MAD1L1: variants seen among roughly 807,000 people sequenced by gnomAD.
MAD1L1 encodes the protein mitotic spindle assembly checkpoint protein MAD1.
MAD1L1 carries 95 observed loss-of-function variants against 96.9 expected under a neutral mutation model. The ratio of observed to expected loss-of-function variants is 0.98; its 90% CI spans 0.83 to 1.16. The LOEUF is 1.16. MAD1L1 is among the 50% of genes most tolerant of loss of function. The pLI is 0.00. For missense variants in MAD1L1, 1,007 were observed against 954.4 expected (o/e 1.06, Z -0.73); for synonymous variants, 473 against 396.6 (o/e 1.19, Z -2.29).
intron 10 of MAD1L1, among the ~76,000 whole-genome samples, chr7:2,195,198 A>G (rs1238306438): frequency 1.3e-5 from 2 of 152,250 alleles, no homozygotes; most frequent in Non-Finnish European, 2.9e-5. Flanking sequence ...AGCTCTCGTA[A>G]ACAATAAAAA....
chr7:1,879,521 A>G (rs1785565112), intron 18 of MAD1L1, among the ~76,000 whole-genome samples: 1 of 152,214 alleles, frequency 6.6e-6, no homozygotes, highest in Admixed American at 6.5e-5. Flanking sequence ...TGTAATCCAA[A>G]TCAAAGTCCC....
At chr7:1,995,509 G>C (rs1159198653) in intron 14 of MAD1L1, among the ~76,000 whole-genome samples, 1 of 152,190 alleles carries the variant, frequency 6.6e-6, no homozygotes, top group Non-Finnish European at 1.5e-5. Context: ...CTGAGGGAAG[G>C]GACCAGTTGT....
chr7:1,887,202 G>T (rs984600913), intron 18 of MAD1L1, among the ~76,000 whole-genome samples: 3 of 152,248 alleles, frequency 2.0e-5, no homozygotes, highest in African/African-American at 7.2e-5. Context: ...AGAGACAGAG[G>T]CCAACTGTGA....
rs1034603387 is a variant in MAD1L1 at position 1,856,021 on chromosome 7, G to C, written c.1999-39793C>G. ...GCACTTCCTCGCGGTGCGCTCACGT[G>C]GGGTGCGGTGAGGGAGCTCTCGGCT... On this transcript the variant is annotated intron_variant, in intron 18 of 18. Transcript: ENST00000265854. 4.6e-5 allele frequency among the ~76,000 whole-genome samples: 7 copies of C among 152,280 alleles called. No individual in the cohort carries two copies. In the South Asian group the frequency reaches 6.2e-4, roughly 14 times the overall value.
intron 14 of MAD1L1, among the ~76,000 whole-genome samples, chr7:1,984,927 C>A (rs981046000): frequency 6.6e-6 from 1 of 152,160 alleles, no homozygotes; most frequent in Non-Finnish European, 1.5e-5. Flanking sequence ...GAAAAGTGTG[C>A]ATGTTTTACC....
intron 10 of MAD1L1, among the ~76,000 whole-genome samples, chr7:2,166,966 G>A (rs912454668): frequency 2.0e-5 from 3 of 152,228 alleles, no homozygotes; most frequent in African/African-American, 7.2e-5. Context: ...AGACTGAACC[G>A]GAATCTGCCT....
intron 11 of MAD1L1, among the ~76,000 whole-genome samples, chr7:2,085,143 A>G (rs1285905231): frequency 1.3e-5 from 2 of 152,194 alleles, no homozygotes; most frequent in Admixed American, 6.5e-5. Flanking sequence ...TGCAGCTCAC[A>G]TGCTAGCCAC....
At chr7:1,920,927 A>ATTT (rs1316476168) in intron 17 of MAD1L1, among the ~76,000 whole-genome samples, 1 of 152,254 alleles carries the variant, frequency 6.6e-6, no homozygotes, top group African/African-American at 2.4e-5. Flanking sequence ...CAGACAGAAA[A>ATTT]GGGTGCAGAT....
chr7:2,070,035 G>A (rs1785051950), intron 11 of MAD1L1, among the ~76,000 whole-genome samples: 2 of 152,226 alleles, frequency 1.3e-5, no homozygotes, highest in East Asian at 1.9e-4. Flanking sequence ...TGGGCACCAA[G>A]CTGTCTCCTC....
Position 2,014,571 on chromosome 7 carries a change from C to G in MAD1L1, c.1290G>C (p.Gln430His). ...SELTPAEYSP[Q>H]LTRRMREAED... The stretch of plus-strand genomic sequence containing the variant: ...CAGCCTCCCGCATGCGCCGCGTCAG[C>G]TGGGGTGAGTACTCGGCCGGGGTCA... The change falls in exon 13 of 19, where the codon CAG (glutamine) becomes CAC (histidine). Residue 430 changes from glutamine (Q) to histidine (H), a missense_variant. Transcript: ENST00000265854. 1 of 1,612,238 alleles carries G rather than the reference C, an allele frequency of 6.2e-7. No individual in the cohort carries two copies. Among genetic ancestry groups the G allele is most frequent in the Non-Finnish European group, 8.5e-7 (1 of 1,179,824 alleles).
rs548855998 is a variant in MAD1L1 at position 1,854,406 on chromosome 7, G to A, written c.1999-38178C>T. The A allele has an allele frequency of 6.8e-4, 315 of 461,302 alleles. 1 individual carries two copies. Among genetic ancestry groups the A allele is most frequent in the Non-Finnish European group, 1.1e-3 (260 of 229,638 alleles). 28.6% of individuals were successfully genotyped at this position (461,302 alleles called of 1,614,324 possible). A position where few individuals can be genotyped will look rare whatever the true frequency, so the allele number is the denominator to read the frequency against. ...GGTCCACTCGGCCGCTGCAGACTAG[G>A]TGGCTCGTAAACAGAGTTCACTTCT... is the stretch of plus-strand genomic sequence containing the variant. On this transcript the variant is annotated intron_variant, in intron 18 of 18. Coordinates refer to ENST00000265854, the MANE Select transcript of MAD1L1 (RefSeq NM_001013836.2).
chr7:1,942,273 C>G (rs1194241111), intron 16 of MAD1L1, among the ~76,000 whole-genome samples: 3 of 152,178 alleles, frequency 2.0e-5, no homozygotes, highest in African/African-American at 7.2e-5. Context: ...CCCGGCCCCT[C>G]CAGAAGGAGG....
chr7:1,829,728 A>AC (rs1337587023), intron 18 of MAD1L1: 1 of 151,910 alleles, frequency 6.6e-6, no homozygotes, highest in African/African-American at 2.4e-5. Context: ...CAAAAAAAAA[A>AC]AAAAAGGCAG....
rs187563092 is a variant in MAD1L1 at position 1,848,139 on chromosome 7, C to G, written c.1999-31911G>C. 31 of 228,820 alleles carry G rather than the reference C, an allele frequency of 1.4e-4. No homozygotes were observed. The East Asian group carries it at 3.0e-3, about 22-fold the overall frequency. The allele number at this position is 228,820 out of a possible 1,614,324, so 14.2% of individuals were successfully genotyped here. On this transcript the variant is annotated intron_variant, in intron 18 of 18. Transcript: ENST00000265854. Reference sequence around the variant, plus strand: ...CCTAGTGTCGCTCTCAGGGCTGGGTCCGCAGGCCACTCTCCCTCCCTCAAC... The same window carrying G: ...CCTAGTGTCGCTCTCAGGGCTGGGTGCGCAGGCCACTCTCCCTCCCTCAAC...
chr7:2,068,541 G>C (rs563926850), intron 12 of MAD1L1, among the ~76,000 whole-genome samples: 1 of 152,336 alleles, frequency 6.6e-6, no homozygotes, highest in East Asian at 1.9e-4. Flanking sequence ...GGCAGGCAGG[G>C]GGAGTCTCCG....
intron 10 of MAD1L1, 135 bp from the exon 11 acceptor site, chr7:2,149,373 C>T (rs1562731608): frequency 2.8e-6 from 2 of 723,604 alleles, no homozygotes; most frequent in East Asian, 2.7e-5. Context: ...CTCTGTGGAC[C>T]CAGGTCCAGG....
rs116629699 is a variant in MAD1L1 at position 2,106,135 on chromosome 7, G to A, written c.1074-36797C>T. ...TCCACCCTGCCCAGCACACAGTCCC[G>A]CCTCCCACCCCCAGCACAGGGCCCT... On this transcript the variant is annotated intron_variant, in intron 11 of 18. Transcript: ENST00000265854. Among the ~76,000 whole-genome samples, 469 of 111,586 alleles carry A rather than the reference G, an allele frequency of 4.2e-3. 4 individuals carry two copies. Among genetic ancestry groups the A allele is most frequent in the African/African-American group, 0.014 (428 of 30,090 alleles). 73.2% of individuals were successfully genotyped at this position (111,586 alleles called of 152,430 possible). A position where few individuals can be genotyped will look rare whatever the true frequency, so the allele number is the denominator to read the frequency against.
In MAD1L1 at chr7:2,149,213, C is replaced by T. The variant is rs766321916; in HGVS notation, c.1012G>A (p.Val338Met). ...AGCTCCCTCTGCTGCAGCTCAACCA[C>T]GAATCTGGAAAGGTCTTCTGGAGTC... is the stretch of plus-strand genomic sequence containing the variant. ...IRTPEDLSRFVVELQQRELAL... is the reference protein window; with the variant it reads ...IRTPEDLSRFMVELQQRELAL... The change falls in exon 11 of 19, where the codon GTG becomes ATG. Residue 338 changes from valine (V) to methionine (M), a missense_variant. Val to Met is a conservative substitution (Grantham distance 21). Transcript: ENST00000265854. The T allele has an allele frequency of 1.1e-5, 18 of 1,613,972 alleles. No homozygotes were observed. The highest frequency in any genetic ancestry group is 8.9e-5 in the East Asian group (4 of 44,888).
intron 10 of MAD1L1, among the ~76,000 whole-genome samples, chr7:2,173,393 T>TC (rs1320214465): frequency 1.3e-5 from 2 of 152,176 alleles, no homozygotes; most frequent in Non-Finnish European, 2.9e-5. Flanking sequence ...AGCTGGGTGC[T>TC]CAACCACTCA....
Sources: allele counts gnomAD v4.1 joint callset (sites outside exome capture counted in the v4.1 genomes callset), GRCh38; gene constraint gnomAD v4.1.1; transcripts MANE v1.5; gene names NCBI Gene and HGNC (gene_info 2026-07-23, HGNC 2026-07-21).